Variants in DNAJC5B observed in about 807,000 individuals in gnomAD.
DNAJC5B encodes the protein DnaJ heat shock protein family (Hsp40) member C5 beta.
DNAJC5B carries 23 observed loss-of-function variants against 24.7 expected under a neutral mutation model. The ratio of observed to expected loss-of-function variants is 0.93; its 90% CI spans 0.67 to 1.32. The LOEUF (loss-of-function observed/expected upper bound fraction) is 1.32, where lower values mean the gene tolerates loss of function less well. Ranked by LOEUF, DNAJC5B falls within the 40% of genes most tolerant of loss-of-function variation. The probability of loss-of-function intolerance (pLI) is 0.00; values close to 1 mark genes in which losing one functional copy is unlikely to be tolerated. For synonymous variants in DNAJC5B, 101 were observed against 90.1 expected (o/e 1.12, Z -0.68); for missense variants, 238 against 240.8 (o/e 0.99, Z 0.08).
chr8:66,076,743 A>C lies in DNAJC5B; in HGVS notation c.203A>C (p.His68Pro). Residue 68 changes from histidine (H) to proline (P), a missense_variant, in exon 4 of 6, where the codon CAC becomes CCC. Coordinates refer to ENST00000276570, the MANE Select transcript of DNAJC5B (RefSeq NM_033105.6). Reference sequence around the variant, plus strand: ...AAGTTTAAAGAAATCAACAACGCCCACGCAATACTTACCGACATTTCAAAG... The same window carrying C: ...AAGTTTAAAGAAATCAACAACGCCCCCGCAATACTTACCGACATTTCAAAG... ...TEKFKEINNAHAILTDISKRS... is the reference protein window; with the variant it reads ...TEKFKEINNAPAILTDISKRS... The C allele has an allele frequency of 6.2e-7, 1 of 1,614,200 alleles. No homozygotes were observed. Among genetic ancestry groups the C allele is most frequent in the Non-Finnish European group, 8.5e-7 (1 of 1,180,028 alleles).
chr8:66,047,701 A>T (rs1025562225), intron 2 of DNAJC5B, among the ~76,000 whole-genome samples: 15 of 152,184 alleles, frequency 9.9e-5, no homozygotes, highest in African/African-American at 3.6e-4. Flanking sequence ...ACTTTTATGG[A>T]ACATAGCCCT....
chr8:66,072,694 A>AGGTT (rs1807376406), intron 3 of DNAJC5B, among the ~76,000 whole-genome samples: 1 of 152,212 alleles, frequency 6.6e-6, no homozygotes, highest in Admixed American at 6.5e-5. Flanking sequence ...AATATCTATA[A>AGGTT]TTCAGTGCTA....
chr8:66,045,401 C>T (rs1022207585), intron 2 of DNAJC5B, among the ~76,000 whole-genome samples: 2 of 152,154 alleles, frequency 1.3e-5, no homozygotes, highest in African/African-American at 2.4e-5. Flanking sequence ...TATTATCAAA[C>T]AAGTTGGCTA....
At chr8:66,028,116 G>A (rs998038557) in intron 1 of DNAJC5B, among the ~76,000 whole-genome samples, 2 of 152,214 alleles carry the variant, frequency 1.3e-5, no homozygotes. Context: ...TGTTCAGGTT[G>A]CTCATGAGGG....
intron 1 of DNAJC5B, among the ~76,000 whole-genome samples, chr8:66,033,366 G>A (rs1458189569): frequency 6.6e-6 from 1 of 152,204 alleles, no homozygotes; most frequent in Non-Finnish European, 1.5e-5. Context: ...TTGCTGGAAG[G>A]CCCGGGAAAG....
At chr8:66,039,755 G>C (rs752391629) in intron 1 of DNAJC5B, among the ~76,000 whole-genome samples, 2 of 152,124 alleles carry the variant, frequency 1.3e-5, no homozygotes, top group Non-Finnish European at 2.9e-5. Context: ...AAAATACCCA[G>C]TATAGTGCCT....
At chr8:66,033,158 G>A (rs1806396427) in intron 1 of DNAJC5B, among the ~76,000 whole-genome samples, 1 of 152,244 alleles carries the variant, frequency 6.6e-6, no homozygotes, top group South Asian at 2.1e-4. Context: ...AGGTCAAAAA[G>A]CAAGACATCT....
intron 3 of DNAJC5B, among the ~76,000 whole-genome samples, chr8:66,065,317 A>G (rs1185058112): frequency 1.3e-5 from 2 of 152,252 alleles, no homozygotes; most frequent in Non-Finnish European, 2.9e-5. Flanking sequence ...AATGTGAGAA[A>G]ATCATAGGAT....
At chr8:66,044,430 A>AT (rs1368039585) in intron 2 of DNAJC5B, among the ~76,000 whole-genome samples, 4 of 152,164 alleles carry the variant, frequency 2.6e-5, no homozygotes, top group Admixed American at 2.0e-4. Flanking sequence ...GACTTTTTCT[A>AT]TTTTTTCAAA....
At chr8:66,015,658 C>A in the DNAJC5B span, among the ~76,000 whole-genome samples, 2 of 152,094 alleles carry the variant, frequency 1.3e-5, no homozygotes, top group Admixed American at 6.6e-5. Flanking sequence ...TAAATGGGGG[C>A]TCAGGTCACA....
At chr8:66,082,916 C>G (rs1244924585) in intron 5 of DNAJC5B, among the ~76,000 whole-genome samples, 1 of 151,772 alleles carries the variant, frequency 6.6e-6, no homozygotes, top group Non-Finnish European at 1.5e-5. Context: ...CTGCAACACG[C>G]TTCCCCTGAG....
chr8:66,051,633 G>C lies in DNAJC5B; in HGVS notation c.86G>C (p.Gly29Ala). 1 of 1,613,318 alleles carries C rather than the reference G, an allele frequency of 6.2e-7. No individual in the cohort carries two copies. Among genetic ancestry groups the C allele is most frequent in the South Asian group, 1.1e-5 (1 of 90,792 alleles). ...TACGAAATTCTTGGTCTGCATAAGG[G>C]AGCATCAAATGAAGAAATTAAGAAA... ...ALYEILGLHK[G>A]ASNEEIKKTY... The change falls in exon 3 of 6, where the codon GGA becomes GCA. Residue 29 changes from glycine (G) to alanine (A), a missense_variant. Transcript: ENST00000276570.
intron 3 of DNAJC5B, among the ~76,000 whole-genome samples, chr8:66,076,186 T>C (rs890520299): frequency 1.3e-5 from 2 of 152,236 alleles, no homozygotes; most frequent in Non-Finnish European, 2.9e-5. Flanking sequence ...GAAGGGGTCT[T>C]AATTTTGTTC....
At chr8:66,064,496 A>G (rs1807147716) in intron 3 of DNAJC5B, among the ~76,000 whole-genome samples, 1 of 152,146 alleles carries the variant, frequency 6.6e-6, no homozygotes, top group South Asian at 2.1e-4. Flanking sequence ...CTATACAGCC[A>G]TTTCTCCTAC....
chr8:66,055,473 T>C (rs867381316), intron 3 of DNAJC5B, among the ~76,000 whole-genome samples: 4 of 152,264 alleles, frequency 2.6e-5, no homozygotes, highest in Non-Finnish European at 4.4e-5. Context: ...GTTAGAAGAC[T>C]TCTTTCTTCT....
intron 2 of DNAJC5B, among the ~76,000 whole-genome samples, chr8:66,046,451 G>T (rs1417767603): frequency 6.6e-6 from 1 of 152,204 alleles, no homozygotes; most frequent in African/African-American, 2.4e-5. Flanking sequence ...CAGAGTTCTT[G>T]TGAGGATTAG....
intron 4 of DNAJC5B, among the ~76,000 whole-genome samples, chr8:66,078,970 T>A (rs569214692): frequency 6.6e-6 from 1 of 152,212 alleles, no homozygotes; most frequent in Admixed American, 6.5e-5. Context: ...CTTAATTAGA[T>A]AAAATCTGTG....
At chr8:66,043,639 C>T (rs1401506202) in intron 2 of DNAJC5B, 28 bp downstream of exon 2, 2 of 152,076 alleles carry the variant, frequency 1.3e-5, no homozygotes, top group Admixed American at 6.5e-5. Flanking sequence ...TTGCTGTTGC[C>T]TTCTTTTATT....
intron 3 of DNAJC5B, among the ~76,000 whole-genome samples, chr8:66,067,335 A>T (rs1807242561): frequency 6.6e-6 from 1 of 152,134 alleles, no homozygotes; most frequent in Non-Finnish European, 1.5e-5. Flanking sequence ...AAAGAGGAGA[A>T]AACTTGGACA....
Sources: allele counts gnomAD v4.1 joint callset (sites outside exome capture counted in the v4.1 genomes callset), GRCh38; gene constraint gnomAD v4.1.1; transcripts MANE v1.5; gene names NCBI Gene and HGNC (gene_info 2026-07-23, HGNC 2026-07-21).